Variants in GAPVD1 observed in about 807,000 individuals in gnomAD.
GAPVD1 encodes GTPase activating protein and VPS9 domains 1.
A neutral mutation model predicts 155.5 loss-of-function variants in GAPVD1; 35 were observed. That is an observed-to-expected ratio of 0.23 (90% confidence interval 0.17 to 0.30). GAPVD1 has a LOEUF of 0.30. Among genes scored for constraint, GAPVD1 ranks in the 10% least tolerant of loss-of-function variants. GAPVD1 has a pLI of 1.00. For synonymous variants in GAPVD1, 636 were observed against 619.7 expected (o/e 1.03, Z -0.39); for missense variants, 1,429 against 1,775.7 (o/e 0.80, Z 3.51).
intron 23 of GAPVD1, among the ~76,000 whole-genome samples, chr9:125,351,198 A>C (rs1417844251): frequency 6.6e-6 from 1 of 152,044 alleles, no homozygotes; most frequent in East Asian, 1.9e-4. Flanking sequence ...CTTTTTCAAA[A>C]CCATCAGATC....
At chr9:125,338,929 T>TTG (rs144909106) in intron 17 of GAPVD1, among the ~76,000 whole-genome samples, 17,823 of 146,578 alleles carry the variant, frequency 0.12, 1,210 homozygotes, top group Admixed American at 0.18. Context: ...TTAAAAAAAT[T>TTG]TGTGTGTGTG....
At chr9:125,294,302 A>G (rs950458750) in intron 2 of GAPVD1, among the ~76,000 whole-genome samples, 5 of 150,982 alleles carry the variant, frequency 3.3e-5, no homozygotes, top group Non-Finnish European at 7.4e-5. Context: ...CCACCTCCCA[A>G]AGTGCTGGGA....
intron 2 of GAPVD1, among the ~76,000 whole-genome samples, chr9:125,280,153 T>C (rs947502178): frequency 6.6e-6 from 1 of 151,276 alleles, no homozygotes; most frequent in African/African-American, 2.4e-5. Flanking sequence ...TCCCAGCACT[T>C]TGGGACTCCA....
At chr9:125,321,379 T>G (rs1181208984) in intron 9 of GAPVD1, 54 bp from the exon 10 acceptor site, 1 of 1,349,706 alleles carries the variant, frequency 7.4e-7, no homozygotes, top group Non-Finnish European at 1.1e-6. Context: ...GTGGTTTGTT[T>G]CCTTATCAGT....
At chr9:125,354,454 C>T (rs1340000289) in intron 23 of GAPVD1, among the ~76,000 whole-genome samples, 200 bp from the exon 24 acceptor site, 2 of 152,162 alleles carry the variant, frequency 1.3e-5, no homozygotes, top group African/African-American at 4.8e-5. Context: ...TGTTCTGCAG[C>T]TGGCACCATG....
At chr9:125,314,454 G>A (rs1236260481) in intron 9 of GAPVD1, among the ~76,000 whole-genome samples, 3 of 152,020 alleles carry the variant, frequency 2.0e-5, no homozygotes, top group East Asian at 1.9e-4. Context: ...TCAGGAGTTC[G>A]AGACCAGCCT....
chr9:125,304,427 T>G (rs1296269780), intron 5 of GAPVD1, among the ~76,000 whole-genome samples: 1 of 152,204 alleles, frequency 6.6e-6, no homozygotes, highest in Non-Finnish European at 1.5e-5. Context: ...TTGTTTTTTT[T>G]GTCATTCCAG....
chr9:125,313,569 T>C (rs965521401), intron 9 of GAPVD1, among the ~76,000 whole-genome samples: 6 of 152,038 alleles, frequency 3.9e-5, no homozygotes, highest in Middle Eastern at 3.4e-3. Flanking sequence ...TTCCAAAGTG[T>C]TGGGATTACA....
chr9:125,355,951 C>T (rs768501159), intron 25 of GAPVD1, 94 bp downstream of exon 25: 1 of 715,046 alleles, frequency 1.4e-6, no homozygotes, highest in Non-Finnish European at 2.5e-6. Flanking sequence ...AACTTAGTGT[C>T]TGATTGTAAA....
chr9:125,334,233 G>A (rs1271590491), intron 15 of GAPVD1, among the ~76,000 whole-genome samples: 2 of 147,022 alleles, frequency 1.4e-5, no homozygotes, highest in Non-Finnish European at 3.0e-5. Context: ...GCCCTAGCAG[G>A]ATGCAAGGGC....
chr9:125,338,933 G>GTGTA (rs1255052182), intron 17 of GAPVD1, among the ~76,000 whole-genome samples: 21 of 139,934 alleles, frequency 1.5e-4, no homozygotes, highest in African/African-American at 6.0e-4. Flanking sequence ...AAAAATTTGT[G>GTGTA]TGTGTGTGTG....
intron 11 of GAPVD1, 35 bp from the exon 12 acceptor site, chr9:125,326,381 A>T: frequency 7.2e-7 from 1 of 1,389,472 alleles, no homozygotes; most frequent in Non-Finnish European, 1.0e-6. Context: ...TAGCTGTGCT[A>T]CTATTTTAAA....
At chr9:125,361,217 A>G (rs144556029) in intron 27 of GAPVD1, among the ~76,000 whole-genome samples, 5 of 152,200 alleles carry the variant, frequency 3.3e-5, no homozygotes, top group African/African-American at 7.2e-5. Flanking sequence ...TGGGAGGACT[A>G]GATTCCTAGA....
chr9:125,290,341 G>T (rs1213881781), intron 2 of GAPVD1, among the ~76,000 whole-genome samples: 1 of 152,124 alleles, frequency 6.6e-6, no homozygotes, highest in Non-Finnish European at 1.5e-5. Context: ...AGGGTGGCTG[G>T]ATTTCTTTAG....
chr9:125,297,962 T>C (rs11794672), intron 3 of GAPVD1, among the ~76,000 whole-genome samples: 4,084 of 152,236 alleles, frequency 0.027, 96 homozygotes, highest in Non-Finnish European at 0.044. Flanking sequence ...ACCAGGCTGG[T>C]CTCGAACTCC....
chr9:125,291,881 A>T (rs1036936796), intron 2 of GAPVD1, among the ~76,000 whole-genome samples: 2 of 152,118 alleles, frequency 1.3e-5, no homozygotes, highest in African/African-American at 4.8e-5. Flanking sequence ...GTGTTCCAGG[A>T]GCCACTGTGA....
At chr9:125,315,815 A>T (rs1022922540) in intron 9 of GAPVD1, among the ~76,000 whole-genome samples, 1 of 152,194 alleles carries the variant, frequency 6.6e-6, no homozygotes. Context: ...CAGGTTGTAC[A>T]CATACCCAGG....
intron 11 of GAPVD1, among the ~76,000 whole-genome samples, chr9:125,324,920 T>C (rs572987788): frequency 6.6e-6 from 1 of 151,966 alleles, no homozygotes; most frequent in Non-Finnish European, 1.5e-5. Context: ...TTTTTGGATT[T>C]GTTCATTTAA....
chr9:125,350,699 T>A lies in GAPVD1; in HGVS notation c.3410-14T>A. On this transcript the variant is annotated splice_polypyrimidine_tract_variant and intron_variant, in intron 22 of 27. Transcript: ENST00000297933. ...ATTCTCAAGAATAACAGAATTCTTGTATCTTTTATTTAGACAATGAAATTG... is the reference window on the plus strand; with the variant it reads ...ATTCTCAAGAATAACAGAATTCTTGAATCTTTTATTTAGACAATGAAATTG... 1 of 1,432,936 alleles carries A rather than the reference T, an allele frequency of 7.0e-7. No individual in the cohort carries two copies. The highest frequency in any genetic ancestry group is 2.3e-5 in the East Asian group (1 of 43,742). The allele number at this position is 1,432,936 out of a possible 1,614,324, so 88.8% of individuals were successfully genotyped here.
Sources: gnomAD v4.1 joint callset for allele counts (sites outside exome capture counted in the v4.1 genomes callset) on GRCh38, gnomAD v4.1.1 for gene constraint, MANE v1.5 for transcripts, NCBI Gene and HGNC (gene_info 2026-07-23, HGNC 2026-07-21) for gene names.